EPHA8: variants seen among roughly 807,000 people sequenced by gnomAD.
EPHA8 encodes ephrin type-A receptor 8.
In EPHA8, 58 loss-of-function variants were observed where a neutral mutation model predicts 103.6. The ratio of observed to expected loss-of-function variants is 0.56; its 90% CI spans 0.45 to 0.70. The LOEUF (loss-of-function observed/expected upper bound fraction) is 0.70, where lower values mean the gene tolerates loss of function less well. EPHA8 is among the 30% of genes least tolerant of loss of function. The pLI is 0.00. For missense variants in EPHA8, 1,304 were observed against 1,395.2 expected (o/e 0.93, Z 1.04); for synonymous variants, 559 against 572.5 (o/e 0.98, Z 0.34).
intron 2 of EPHA8, among the ~76,000 whole-genome samples, chr1:22,575,151 A>C (rs917099227): frequency 6.6e-6 from 1 of 152,098 alleles, no homozygotes; most frequent in Non-Finnish European, 1.5e-5. Context: ...GGGTTTCGCC[A>C]TGTTGGCCAG....
chr1:22,573,861 C>T (rs1234720317), intron 2 of EPHA8, among the ~76,000 whole-genome samples: 2 of 152,244 alleles, frequency 1.3e-5, no homozygotes, highest in Admixed American at 6.5e-5. Context: ...TACAGATGCC[C>T]ACACCCAGGA....
chr1:22,565,938 C>T (rs939075046), intron 1 of EPHA8, among the ~76,000 whole-genome samples: 2 of 152,298 alleles, frequency 1.3e-5, no homozygotes, highest in Admixed American at 6.5e-5. Context: ...TTCCATGTGG[C>T]GCATCTGGGA....
chr1:22,598,415 C>T lies in EPHA8; in HGVS notation c.2178+203C>T, dbSNP rs544794346. 2.1e-3 allele frequency among the ~76,000 whole-genome samples: 316 copies of T among 152,312 alleles called. No homozygotes were observed. The highest frequency in any genetic ancestry group is 3.6e-3 in the Non-Finnish European group (247 of 68,014). ...CCCCCATTGCATGAAAGTCCCTCTG[C>T]TCCATGGGATCCTGCTGCCCTGCAC... On this transcript the variant is annotated intron_variant, in intron 12 of 16. Transcript: ENST00000166244. The surrounding 1 kb of genome is among the most constrained non-coding windows in gnomAD (Gnocchi z 5.1).
chr1:22,586,785 G>GGGT, intron 4 of EPHA8, 150 bp downstream of exon 4: 1 of 936,538 alleles, frequency 1.1e-6, no homozygotes, highest in Non-Finnish European at 1.6e-6. Context: ...TGAGGTGGGG[G>GGGT]GGGTGACTCT....
chr1:22,585,265 CA>C (rs918705814), intron 3 of EPHA8, among the ~76,000 whole-genome samples: 1 of 152,176 alleles, frequency 6.6e-6, no homozygotes, highest in Admixed American at 6.5e-5. Context: ...AACAAGGCTC[CA>C]AGTGGGTTTT....
At chr1:22,577,270 T>G (rs1640735399) in intron 3 of EPHA8, among the ~76,000 whole-genome samples, 1 of 152,212 alleles carries the variant, frequency 6.6e-6, no homozygotes, top group African/African-American at 2.4e-5. Flanking sequence ...ATTAACTCAT[T>G]GAATCCTGGC....
chr1:22,589,013 C>T lies in EPHA8; in HGVS notation c.1122C>T (p.Ser374=). 1.2e-6 allele frequency: 2 copies of T among 1,612,830 alleles called. No homozygotes were observed. Among genetic ancestry groups the T allele is most frequent in the South Asian group, 2.2e-5 (2 of 90,938 alleles). ...AVCRRCPWAL[S]RCEACGSGTR... Reference sequence around the variant, plus strand: ...GCCGCCGCTGCCCCTGGGCACTGAGCCGCTGCGAGGCATGTGGGAGCGGCA... The same window carrying T: ...GCCGCCGCTGCCCCTGGGCACTGAGTCGCTGCGAGGCATGTGGGAGCGGCA... The change falls in exon 5 of 17, where the codon AGC becomes AGT. Residue 374 remains serine (S), a synonymous_variant. Coordinates refer to ENST00000166244, the MANE Select transcript of EPHA8 (RefSeq NM_020526.5). This position sits in a 1 kb window ranked among gnomAD's most constrained non-coding sequence, Gnocchi z 4.3.
chr1:22,601,631 G>A lies in EPHA8; in HGVS notation c.2908G>A (p.Val970Met), dbSNP rs148692719. ...GMVLRMNAQD[V>M]RALGITLMGH... ...AGCAGCACCCTTCCTTCACAGGGAC[G>A]TGCGCGCCCTGGGCATCACCCTCAT... The change falls in exon 17 of 17, where the codon GTG (valine) becomes ATG (methionine). Residue 970 changes from valine to methionine, a missense_variant. Transcript: ENST00000166244. 45 of 1,591,528 alleles carry A rather than the reference G, an allele frequency of 2.8e-5. No homozygotes were observed. Among genetic ancestry groups the A allele is most frequent in the African/African-American group, 1.6e-4 (12 of 74,272 alleles).
chr1:22,585,053 G>GCA (rs753358406), intron 3 of EPHA8, among the ~76,000 whole-genome samples: 5 of 94,170 alleles, frequency 5.3e-5, no homozygotes, highest in African/African-American at 3.0e-4. Flanking sequence ...GTGTGTGTGC[G>GCA]CACGCGTGTG....
At chr1:22,575,746 G>A (rs752267950) in intron 2 of EPHA8, among the ~76,000 whole-genome samples, 35 of 152,164 alleles carry the variant, frequency 2.3e-4, no homozygotes, top group Non-Finnish European at 4.6e-4. Context: ...CAGCTGTGCA[G>A]GAGAGGCGGC....
Position 22,580,759 on chromosome 1 carries a change from C to A in EPHA8, c.823+3879C>A, listed in dbSNP as rs550579067. The stretch of plus-strand genomic sequence containing the variant: ...AGGCAGGTATCACAATTCCATTTTA[C>A]AGATGGGGAAGCTGAGGTGTAAGAG... On this transcript the variant is annotated intron_variant, in intron 3 of 16. Coordinates refer to ENST00000166244, the MANE Select transcript of EPHA8 (RefSeq NM_020526.5). 7.2e-5 allele frequency among the ~76,000 whole-genome samples: 11 copies of A among 152,356 alleles called. No individual in the cohort carries two copies. The South Asian group carries it at 2.1e-3, about 29-fold the overall frequency.
chr1:22,576,651 C>A lies in EPHA8; in HGVS notation c.594C>A (p.Arg198=). 1 of 1,613,884 alleles carries A rather than the reference C, an allele frequency of 6.2e-7. No homozygotes were observed. Among genetic ancestry groups the A allele is most frequent in the Non-Finnish European group, 8.5e-7 (1 of 1,180,042 alleles). ...CCTGCCTGGCCATCCTCTCTCTCCG[C>A]ATCTACTATAAGAAGTGCCCTGCCA... The part of the protein sequence containing the change: ...IGACLAILSL[R]IYYKKCPAMV... The change falls in exon 3 of 17, where the codon CGC becomes CGA. Residue 198 remains arginine, a synonymous_variant. Transcript: ENST00000166244. This position sits in a 1 kb window ranked among gnomAD's most constrained non-coding sequence, Gnocchi z 4.8.
At chr1:22,586,778 G>GGT in intron 4 of EPHA8, 143 bp downstream of exon 4, 1 of 987,202 alleles carries the variant, frequency 1.0e-6, no homozygotes. Flanking sequence ...GCCAGTCTGA[G>GGT]GTGGGGGGGG....
At chr1:22,580,967 A>G (rs1319596516) in intron 3 of EPHA8, among the ~76,000 whole-genome samples, 1 of 152,078 alleles carries the variant, frequency 6.6e-6, no homozygotes, top group Non-Finnish European at 1.5e-5. Flanking sequence ...CTTAGTGATG[A>G]TTTTTCGTCT....
At chr1:22,566,867 G>A (rs1640374853) in intron 1 of EPHA8, among the ~76,000 whole-genome samples, 1 of 152,180 alleles carries the variant, frequency 6.6e-6, no homozygotes. Flanking sequence ...CATGGATGGG[G>A]AAGGTGGAGA....
intron 3 of EPHA8, among the ~76,000 whole-genome samples, chr1:22,580,130 T>C (rs1289357444): frequency 0.014 from 393 of 28,880 alleles, 4 homozygotes; most frequent in African/African-American, 0.036. Flanking sequence ...TCTTTCTCTT[T>C]TTTTTTTTTT....
Position 22,601,688 on chromosome 1 carries a change from C to G in EPHA8, c.2965C>G (p.Gln989Glu), listed in dbSNP as rs767961686. 1 of 1,588,962 alleles carries G rather than the reference C, an allele frequency of 6.3e-7. No homozygotes were observed. Among genetic ancestry groups the G allele is most frequent in the Non-Finnish European group, 8.6e-7 (1 of 1,167,676 alleles). ...GHQKKILGSI[Q>E]TMRAQLTSTQ... The stretch of plus-strand genomic sequence containing the variant: ...CCAGAAGAAGATCCTGGGCAGCATT[C>G]AGACCATGCGGGCCCAGCTGACCAG... Residue 989 changes from glutamine to glutamate, a missense_variant, in exon 17 of 17, where the codon CAG (glutamine) becomes GAG (glutamate). By Grantham distance (29) the Gln-to-Glu change is conservative. Transcript: ENST00000166244.
chr1:22,565,593 A>G (rs1254064514), intron 1 of EPHA8, among the ~76,000 whole-genome samples: 2 of 152,106 alleles, frequency 1.3e-5, no homozygotes, highest in Non-Finnish European at 2.9e-5. Context: ...CCCCTGCCTC[A>G]ACTCTCTTCT....
In EPHA8 at chr1:22,576,795, C is replaced by T; in HGVS notation, c.738C>T (p.Tyr246=). Residue 246 remains tyrosine, a synonymous_variant, in exon 3 of 17, where the codon TAC becomes TAT. Transcript: ENST00000166244. This position sits in a 1 kb window ranked among gnomAD's most constrained non-coding sequence, Gnocchi z 4.8. ...AGGAGCGGGACACACCCAAGATGTA[C>T]TGCAGCGCGGAGGGCGAGTGGCTCG... is the stretch of plus-strand genomic sequence containing the variant. ...HSEERDTPKM[Y]CSAEGEWLVP... The T allele has an allele frequency of 6.2e-7, 1 of 1,613,398 alleles. No individual in the cohort carries two copies. Among genetic ancestry groups the T allele is most frequent in the Non-Finnish European group, 8.5e-7 (1 of 1,179,808 alleles).
Sources: gnomAD v4.1 joint callset for allele counts (sites outside exome capture counted in the v4.1 genomes callset) on GRCh38, gnomAD v4.1.1 for gene constraint, Gnocchi (gnomAD v3.1) non-coding constraint, MANE v1.5 for transcripts, NCBI Gene and HGNC (gene_info 2026-07-23, HGNC 2026-07-21) for gene names.